The following TTN variants were observed in gnomAD, a reference collection of about 807,000 sequenced individuals.
The protein encoded by TTN is connectin.
In TTN, 1,525 loss-of-function variants were observed where a neutral mutation model predicts 3,223.0. The observed-to-expected ratio is 0.47, with a 90% CI of 0.45 to 0.49. The LOEUF (loss-of-function observed/expected upper bound fraction) is 0.49. TTN is among the 20% of genes least tolerant of loss of function. The pLI, the probability that TTN is intolerant of heterozygous loss-of-function variation, is 0.00. For synonymous variants in TTN, 14,094 were observed against 15,161.0 expected, an observed-to-expected ratio of 0.93 and a Z score of 5.17; for missense variants, 40,786 against 43,424.0, an observed-to-expected ratio of 0.94 and a Z score of 5.40.
At chr2:178,727,891 A>G (rs1276458319) in intron 67 of TTN, 28 bp from the exon 68 acceptor site, 2 of 1,519,630 alleles carry the variant, frequency 1.3e-6, no homozygotes, top group South Asian at 2.8e-5. Flanking sequence ...GATATATTTA[A>G]TTAAATTGCT....
rs756446770 is a variant in TTN, at chr2:178,641,279, A to C, written c.40595T>G (p.Val13532Gly). Residue 13532 changes from valine (V) to glycine (G), a missense_variant, in exon 220 of 363, where the codon GTA becomes GGA. Coordinates refer to ENST00000589042, the MANE Select transcript of TTN (RefSeq NM_001267550.2). Reference protein sequence around the residue: ...RKRPEEEEPKVEPKKLEKVKK... With the variant: ...RKRPEEEEPKGEPKKLEKVKK... ...AACTTTTTCTAGTTTTTTAGGTTCT[A>C]CTTTAGGTTCTTCTTCTTCAGGTCT... 91 of 1,511,732 alleles carry C rather than the reference A, an allele frequency of 6.0e-5. No individual in the cohort carries two copies. The highest frequency in any genetic ancestry group is 7.2e-5 in the Non-Finnish European group (81 of 1,132,038). The allele number at this position is 1,511,732 out of a possible 1,614,324, so 93.6% of individuals were successfully genotyped here. A position where few individuals can be genotyped will look rare whatever the true frequency, so the allele number is the denominator to read the frequency against.
In TTN at chr2:178,567,004, T is replaced by C. The variant is rs756245745; in HGVS notation, c.79128A>G (p.Ala26376=). The change falls in exon 326 of 363, where the codon GCA becomes GCG. Residue 26376 remains alanine (A), a synonymous_variant. Coordinates refer to ENST00000589042, the MANE Select transcript of TTN (RefSeq NM_001267550.2). ...KYGVGEPLES[A]PVLMKNPFVL... ...CAAATGGATTTTTCATTAGTACTGG[T>C]GCAGATTCCAAAGGCTCTCCAACAC... 7.4e-6 allele frequency: 12 copies of C among 1,613,522 alleles called. No homozygotes were observed. Among genetic ancestry groups the C allele is most frequent in the Non-Finnish European group, 1.0e-5 (12 of 1,179,672 alleles).
chr2:178,536,994 A>T lies in TTN; in HGVS notation c.100115T>A (p.Phe33372Tyr). Residue 33372 changes from phenylalanine (F) to tyrosine (Y), a missense_variant, in exon 356 of 363, where the codon TTC (phenylalanine) becomes TAC (tyrosine). By Grantham distance (22) the Phe-to-Tyr change is conservative. Coordinates refer to ENST00000589042, the MANE Select transcript of TTN (RefSeq NM_001267550.2). ...YYFRVSAQNT[F>Y]GISDPLEVSS... ...CACTTCTAGAGGGTCACTGATGCCG[A>T]AAGTGTTCTGAGCTGAAACCCGGAA... The T allele has an allele frequency of 6.2e-7, 1 of 1,613,422 alleles. No homozygotes were observed. The highest frequency in any genetic ancestry group is 8.5e-7 in the Non-Finnish European group (1 of 1,179,606).
chr2:178,553,235 C>T lies in TTN; in HGVS notation c.89665G>A (p.Glu29889Lys), dbSNP rs1356821044. 3 of 1,613,496 alleles carry T rather than the reference C, an allele frequency of 1.9e-6. No individual in the cohort carries two copies. The highest frequency in any genetic ancestry group is 1.7e-5 in the Admixed American group (1 of 60,012). The stretch of plus-strand genomic sequence containing the variant: ...AGTAATGAGGATGAATCAGTGTTTT[C>T]AATGCTGTATCTGGCATCACTGCCA... ...NLGSDARYSI[E>K]NTDSSSLLTI... is the part of the protein sequence containing the mutation. The change falls in exon 335 of 363, where the codon GAA (glutamate) becomes AAA (lysine). Residue 29889 changes from glutamate (E) to lysine (K), a missense_variant. Transcript: ENST00000589042.
In TTN at chr2:178,724,534, G is replaced by A. The variant is rs768971707; in HGVS notation, c.20841C>T (p.Pro6947=). 8.8e-6 allele frequency: 14 copies of A among 1,582,562 alleles called. No homozygotes were observed. Among genetic ancestry groups the A allele is most frequent in the Middle Eastern group, 1.7e-4 (1 of 5,910 alleles). ...ENMATLMVLE[P]AVIVEKAGPM... is the part of the protein sequence containing the mutation. ...GTCCTGCCTTCTCAACAATGACTGC[G>A]GGCTCTGAAATAAAACGTGATATCC... Residue 6947 remains proline (P), a synonymous_variant, in exon 72 of 363, where the codon CCC becomes CCT. Transcript: ENST00000589042.
chr2:178,569,040 C>T lies in TTN; in HGVS notation c.77092G>A (p.Val25698Met), dbSNP rs1391801848. Residue 25698 changes from valine (V) to methionine (M), a missense_variant, in exon 326 of 363, where the codon GTG (valine) becomes ATG (methionine). Val to Met is a conservative substitution (Grantham distance 21). Transcript: ENST00000589042. ...QTADPIKVAE[V>M]PQPPGKITVD... ...GTTATTTTTCCAGGAGGTTGTGGCA[C>T]TTCTGCAACCTTAATTGGATCAGCA... The T allele has an allele frequency of 6.2e-7, 1 of 1,613,264 alleles. No homozygotes were observed. Among genetic ancestry groups the T allele is most frequent in the South Asian group, 1.1e-5 (1 of 91,032 alleles).
At position 178,715,227 on chromosome 2, in the gene TTN, C is replaced by G. The variant is rs879235743; in HGVS notation, c.25959G>C (p.Glu8653Asp). The G allele has an allele frequency of 1.2e-6, 2 of 1,612,558 alleles. No homozygotes were observed. The highest frequency in any genetic ancestry group is 1.7e-6 in the Non-Finnish European group (2 of 1,179,410). ...GGTGAACATCAGCTCCTTTCAGTGT[C>G]TCTATAGGATGAGGCTTTTTGCGGA... ...PIFRKKPHPI[E>D]TLKGADVHLE... The change falls in exon 90 of 363, where the codon GAG becomes GAC. Residue 8653 changes from glutamate (E) to aspartate (D), a missense_variant. By Grantham distance (45) the Glu-to-Asp change is conservative. Coordinates refer to ENST00000589042, the MANE Select transcript of TTN (RefSeq NM_001267550.2).
chr2:178,682,553 A>G (rs1180546849), intron 135 of TTN, 144 bp downstream of exon 135: 4 of 760,954 alleles, frequency 5.3e-6, no homozygotes, highest in Non-Finnish European at 8.0e-6. Flanking sequence ...AAAGAAGAAA[A>G]TTCCGCATTT....
In TTN at chr2:178,717,960, G is replaced by C. The variant is rs397517513; in HGVS notation, c.25046C>G (p.Ala8349Gly). The C allele has an allele frequency of 3.6e-5, 58 of 1,612,456 alleles. No individual in the cohort carries two copies. The highest frequency in any genetic ancestry group is 4.2e-5 in the Non-Finnish European group (50 of 1,178,732). The part of the protein sequence containing the change: ...DNSVGAVASS[A>G]VLVIKARKLP... ...ACCATCACCTTTGATAACAAGCACA[G>C]CTGAAGAAGCGACTGCCCCCACACT... The change falls in exon 86 of 363, where the codon GCT (alanine) becomes GGT (glycine). Residue 8349 changes from alanine to glycine, a missense_variant. Transcript: ENST00000589042.
Position 178,588,964 on chromosome 2 carries a change from G to T in TTN, c.62761C>A (p.Pro20921Thr), listed in dbSNP as rs935268567. 5.6e-6 allele frequency: 9 copies of T among 1,612,364 alleles called. No individual in the cohort carries two copies. Among genetic ancestry groups the T allele is most frequent in the African/African-American group, 1.3e-5 (1 of 74,868 alleles). ...ATGAGACGTGTTACTGTAGTACCAG[G>T]TGTCAAGACAGTAGCAGAATAGGTA... ...WSTYSATVLTPGTTVTRLIEG... is the reference protein window; with the variant it reads ...WSTYSATVLTTGTTVTRLIEG... The change falls in exon 304 of 363, where the codon CCT becomes ACT. Residue 20921 changes from proline to threonine, a missense_variant. By Grantham distance (38) the Pro-to-Thr change is conservative. Transcript: ENST00000589042.
At chr2:178,601,192 A>G (rs376089971) in intron 287 of TTN, 21 bp from the exon 288 acceptor site, 4 of 1,520,290 alleles carry the variant, frequency 2.6e-6, no homozygotes, top group Non-Finnish European at 3.5e-6. Flanking sequence ...AATTAAAGGA[A>G]GTATTAAGCG....
At position 178,777,806 on chromosome 2, in the gene TTN, C is replaced by G. The variant is rs771127151; in HGVS notation, c.4378G>C (p.Val1460Leu). The stretch of plus-strand genomic sequence containing the variant: ...CATTTGAAAGAAACAGGTTTTAACA[C>G]AAAGACTGGTTTATATAGTCTCTCA... ...QLERLYKPVFVLKPVSFKCLE... is the reference protein window; with the variant it reads ...QLERLYKPVFLLKPVSFKCLE... The change falls in exon 25 of 363, where the codon GTG (valine) becomes CTG (leucine). Residue 1460 changes from valine (V) to leucine (L), a missense_variant. Val to Leu is a conservative substitution (Grantham distance 32, BLOSUM62 1). Coordinates refer to ENST00000589042, the MANE Select transcript of TTN (RefSeq NM_001267550.2). The G allele has an allele frequency of 6.2e-7, 1 of 1,614,006 alleles. No individual in the cohort carries two copies. The highest frequency in any genetic ancestry group is 1.7e-5 in the Admixed American group (1 of 60,012).
At position 178,634,687 on chromosome 2, in the gene TTN, G is replaced by C; in HGVS notation, c.42151+36C>G. 3 of 1,612,124 alleles carry C rather than the reference G, an allele frequency of 1.9e-6. No individual in the cohort carries two copies. The highest frequency in any genetic ancestry group is 2.5e-6 in the Non-Finnish European group (3 of 1,179,224). ...AGAATGCACAGGGAAGTGAAATAAA[G>C]TTGAGACCCCTCCCCAAATTCTAAA... is the stretch of plus-strand genomic sequence containing the variant. On this transcript the variant is annotated intron_variant, in intron 229 of 362. Transcript: ENST00000589042. The surrounding 1 kb of genome is among the most constrained non-coding windows in gnomAD (Gnocchi z 4.6).
intron 264 of TTN, 28 bp from the exon 265 acceptor site, chr2:178,613,100 G>T: frequency 6.2e-7 from 1 of 1,611,162 alleles, no homozygotes; most frequent in South Asian, 1.1e-5. Flanking sequence ...CATTGTTTAG[G>T]TTTGTCAAAA....
Position 178,574,135 on chromosome 2 carries a change from C to T in TTN, c.71997G>A (p.Val23999=), listed in dbSNP as rs552102562. 5.0e-6 allele frequency: 8 copies of T among 1,613,482 alleles called. No homozygotes were observed. Among genetic ancestry groups the T allele is most frequent in the Non-Finnish European group, 6.8e-6 (8 of 1,179,660 alleles). ...TGGCACCTGCAGCATTTTTGGCGAT[C>T]ACACGGAATTCATATGCAGCATCTT... ...LTEDAAYEFR[V]IAKNAAGAIS... is the part of the protein sequence containing the mutation. The change falls in exon 326 of 363, where the codon GTG becomes GTA. Residue 23999 remains valine (V), a synonymous_variant. Transcript: ENST00000589042.
At chr2:178,649,414 A>G in intron 212 of TTN, 83 bp from the exon 213 acceptor site, 2 of 1,334,824 alleles carry the variant, frequency 1.5e-6, no homozygotes, top group South Asian at 3.4e-5. Flanking sequence ...TATTTATTGG[A>G]GCAGCATTAA....
At chr2:178,635,105 C>T in intron 228 of TTN, 60 bp downstream of exon 228, 1 of 1,595,230 alleles carries the variant, frequency 6.3e-7, no homozygotes, top group Non-Finnish European at 8.5e-7. Context: ...GGATATAGAT[C>T]CTGAATATTG....
chr2:178,789,238 G>A (rs2093362941), intron 13 of TTN, 122 bp downstream of exon 13: 1 of 1,345,924 alleles, frequency 7.4e-7, no homozygotes, highest in African/African-American at 1.5e-5. Flanking sequence ...TTGGTTAATA[G>A]TGACTCATAC....
intron 250 of TTN, chr2:178,619,410 T>C: frequency 3.3e-6 from 2 of 604,112 alleles, no homozygotes; most frequent in Non-Finnish European, 5.7e-6. Context: ...CTAGCAACTG[T>C]CCAAGGCTCT....
Sources: allele counts gnomAD v4.1 joint callset, GRCh38; gene constraint gnomAD v4.1.1; non-coding constraint Gnocchi (gnomAD v3.1); transcripts MANE v1.5; gene names NCBI Gene and HGNC (gene_info 2026-07-23, HGNC 2026-07-21).